Variants in SPIN1 observed in about 807,000 individuals in gnomAD.
SPIN1 encodes the protein spindlin 1, also known as spindlin-1.
Under a neutral mutation model 26.0 loss-of-function variants are expected in SPIN1, and 3 were observed. That is an observed-to-expected ratio of 0.12 (90% CI 0.05 to 0.30). The LOEUF (loss-of-function observed/expected upper bound fraction) is 0.30, where lower values mean the gene tolerates loss of function less well. SPIN1 is among the 10% of genes least tolerant of loss of function. The probability of loss-of-function intolerance (pLI) is 1.00; values close to 1 mark genes in which losing one functional copy is unlikely to be tolerated. For missense variants in SPIN1, 126 were observed against 333.4 expected (o/e 0.38, Z 4.84); for synonymous variants, 101 against 116.5 (o/e 0.87, Z 0.86).
At chr9:88,449,817 G>A (rs1267149544) in intron 3 of SPIN1, among the ~76,000 whole-genome samples, 2 of 152,026 alleles carry the variant, frequency 1.3e-5, no homozygotes, top group African/African-American at 2.4e-5. Context: ...CTTGACCATC[G>A]TGAGGCACTC....
chr9:88,461,815 CTAA>C (rs1442446438), intron 3 of SPIN1, among the ~76,000 whole-genome samples: 1 of 152,054 alleles, frequency 6.6e-6, no homozygotes, highest in Non-Finnish European at 1.5e-5. Context: ...TTTTCAATTG[CTAA>C]TAATAAGCCA....
chr9:88,466,747 T>C (rs929585000), intron 4 of SPIN1, among the ~76,000 whole-genome samples: 1 of 152,132 alleles, frequency 6.6e-6, no homozygotes, highest in Non-Finnish European at 1.5e-5. Context: ...GTTGTTTTTG[T>C]TGTTGTTAAG....
chr9:88,447,478 T>G (rs1828274372), intron 2 of SPIN1, among the ~76,000 whole-genome samples: 1 of 152,192 alleles, frequency 6.6e-6, no homozygotes, highest in African/African-American at 2.4e-5. Flanking sequence ...TGTTGGAGTC[T>G]ATTTTGGCAA....
chr9:88,441,416 C>T (rs34481817), intron 2 of SPIN1, among the ~76,000 whole-genome samples: 9,858 of 99,774 alleles, frequency 0.099, 959 homozygotes, highest in African/African-American at 0.42. Flanking sequence ...TGTGTGTGTG[C>T]GCGCGCGCGC....
rs568900189 is a variant in SPIN1 at position 88,430,958 on chromosome 9, C to T, written c.52+4367C>T. ...AGTGCAATGGCACGATCTTGGCTTA[C>T]TGCAACCTCTGCCTCCCAGGTTCAA... On this transcript the variant is annotated intron_variant, in intron 2 of 5. Transcript: ENST00000375859. Among the ~76,000 whole-genome samples, 6 of 149,792 alleles carry T rather than the reference C, an allele frequency of 4.0e-5. No individual in the cohort carries two copies. In the South Asian group the frequency reaches 1.3e-3, roughly 32 times the overall value.
At chr9:88,471,381 TC>T (rs1329680160) in intron 5 of SPIN1, among the ~76,000 whole-genome samples, 2 of 151,960 alleles carry the variant, frequency 1.3e-5, no homozygotes, top group African/African-American at 4.8e-5. Flanking sequence ...GGTTTTGGCA[TC>T]CTTGTTGCGC....
chr9:88,410,104 C>A (rs1035346679), intron 1 of SPIN1, among the ~76,000 whole-genome samples: 2 of 151,728 alleles, frequency 1.3e-5, no homozygotes, highest in Non-Finnish European at 2.9e-5. Context: ...TCTTTAGATC[C>A]TGTCTCTCTG....
chr9:88,392,089 T>C (rs1826935157), intron 1 of SPIN1, among the ~76,000 whole-genome samples: 1 of 152,212 alleles, frequency 6.6e-6, no homozygotes, highest in Non-Finnish European at 1.5e-5. Context: ...AATGGATTTA[T>C]AGAGTTCTCA....
At chr9:88,472,884 A>G (rs1258318265) in intron 5 of SPIN1, among the ~76,000 whole-genome samples, 1 of 152,188 alleles carries the variant, frequency 6.6e-6, no homozygotes, top group Non-Finnish European at 1.5e-5. Flanking sequence ...TCACTTTTGG[A>G]TAAGCTTGTT....
At position 88,462,691 on chromosome 9, in the gene SPIN1, A is replaced by G; in HGVS notation, c.297A>G (p.Gly99=). 2 of 1,614,110 alleles carry G rather than the reference A, an allele frequency of 1.2e-6. No individual in the cohort carries two copies. Among genetic ancestry groups the G allele is most frequent in the Non-Finnish European group, 1.7e-6 (2 of 1,179,986 alleles). The change falls in exon 4 of 6, where the codon GGA becomes GGG. Residue 99 remains glycine (G), a synonymous_variant. Transcript: ENST00000375859. The part of the protein sequence containing the change: ...IKYDGFDCVY[G]LELNKDERVS... ...ACGATGGATTTGACTGTGTTTATGG[A>G]CTAGAACTTAATAAAGATGAAAGAG...
chr9:88,449,168 G>T (rs1201993378), intron 3 of SPIN1, among the ~76,000 whole-genome samples, 179 bp downstream of exon 3: 3 of 151,638 alleles, frequency 2.0e-5, no homozygotes, highest in African/African-American at 4.8e-5. Context: ...CTTCCCCTTG[G>T]CCTGGCTGCA....
intron 1 of SPIN1, among the ~76,000 whole-genome samples, chr9:88,390,676 A>G (rs1460907689): frequency 6.6e-6 from 1 of 152,178 alleles, no homozygotes; most frequent in Non-Finnish European, 1.5e-5. Context: ...AGAATCAACT[A>G]TTTCGTGCAA....
At chr9:88,404,365 A>T (rs926512138) in intron 1 of SPIN1, among the ~76,000 whole-genome samples, 2 of 152,120 alleles carry the variant, frequency 1.3e-5, no homozygotes, top group East Asian at 3.9e-4. Flanking sequence ...CCTAACCCCC[A>T]ATTCTTCAAT....
At chr9:88,416,899 AGGCGT>A (rs1827577233) in intron 1 of SPIN1, 1 of 152,398 alleles carries the variant, frequency 6.6e-6, no homozygotes, top group South Asian at 2.1e-4. Flanking sequence ...CTGGGATTAC[AGGCGT>A]GAGCCATCGC....
intron 2 of SPIN1, among the ~76,000 whole-genome samples, chr9:88,430,021 A>G (rs1376118972): frequency 6.6e-6 from 1 of 152,256 alleles, no homozygotes; most frequent in Non-Finnish European, 1.5e-5. Context: ...AGTATTGTTT[A>G]TAAAATAGAG....
At chr9:88,471,793 G>A (rs1311446125) in intron 5 of SPIN1, among the ~76,000 whole-genome samples, 2 of 150,852 alleles carry the variant, frequency 1.3e-5, no homozygotes, top group African/African-American at 2.4e-5. Flanking sequence ...ACATTGCTTT[G>A]TGGTAAATTT....
intron 3 of SPIN1, among the ~76,000 whole-genome samples, chr9:88,461,783 T>C (rs1309610628): frequency 1.3e-5 from 2 of 152,212 alleles, no homozygotes; most frequent in Non-Finnish European, 2.9e-5. Context: ...AGGTGTATTA[T>C]TTATAAACAT....
intron 3 of SPIN1, among the ~76,000 whole-genome samples, chr9:88,456,942 A>G (rs1386342160): frequency 1.3e-5 from 2 of 152,216 alleles, no homozygotes; most frequent in Non-Finnish European, 2.9e-5. Context: ...GAGATAAGAC[A>G]AAGACATTAA....
chr9:88,391,186 G>A (rs1438385390), intron 1 of SPIN1, among the ~76,000 whole-genome samples: 2 of 152,084 alleles, frequency 1.3e-5, no homozygotes, highest in African/African-American at 4.8e-5. Flanking sequence ...ATACATTCAA[G>A]CTACATAGAT....
Sources: gnomAD v4.1 joint callset for allele counts (sites outside exome capture counted in the v4.1 genomes callset) on GRCh38, gnomAD v4.1.1 for gene constraint, MANE v1.5 for transcripts, NCBI Gene and HGNC (gene_info 2026-07-23, HGNC 2026-07-21) for gene names.